FARS2: variants seen among roughly 807,000 people sequenced by gnomAD.
The protein encoded by FARS2 is phenylalanyl-tRNA synthetase 2, mitochondrial.
Under a neutral mutation model 46.4 loss-of-function variants are expected in FARS2, and 40 were observed. The ratio of observed to expected loss-of-function variants is 0.86; its 90% CI spans 0.67 to 1.12. FARS2 has a LOEUF of 1.12. Among genes scored for constraint, FARS2 ranks in the 50% most tolerant of loss-of-function variants. The pLI is 0.00. For synonymous variants in FARS2, 234 were observed against 214.9 expected (o/e 1.09, Z -0.78); for missense variants, 513 against 567.9 (o/e 0.90, Z 0.98).
chr6:5,342,286 T>G (rs1771710507), intron 1 of FARS2, among the ~76,000 whole-genome samples: 1 of 152,216 alleles, frequency 6.6e-6, no homozygotes, highest in Non-Finnish European at 1.5e-5. Flanking sequence ...AGCACAATAA[T>G]CAACAGTTGC....
intron 6 of FARS2, among the ~76,000 whole-genome samples, chr6:5,744,714 G>A (rs1167975483): frequency 6.6e-6 from 1 of 152,226 alleles, no homozygotes; most frequent in Non-Finnish European, 1.5e-5. Context: ...CAAGTGTTCA[G>A]TGGCTTCTGC....
intron 1 of FARS2, among the ~76,000 whole-genome samples, chr6:5,344,692 A>C (rs889845401): frequency 9.9e-5 from 15 of 152,176 alleles, no homozygotes; most frequent in African/African-American, 3.6e-4. Context: ...CAGTGGAAAA[A>C]AGTATGGCAA....
chr6:5,264,089 A>G (rs1233082552), intron 1 of FARS2, among the ~76,000 whole-genome samples: 2 of 152,096 alleles, frequency 1.3e-5, no homozygotes, highest in East Asian at 3.9e-4. Context: ...TACACAAAAA[A>G]TACAAAAATT....
At chr6:5,466,683 C>G (rs1765533720) in intron 4 of FARS2, 1 of 985,194 alleles carries the variant, frequency 1.0e-6, no homozygotes, top group Non-Finnish European at 1.2e-6. Context: ...ATTTTCAAAC[C>G]TGGGGAGCTG....
chr6:5,381,708 G>C (rs965863308), intron 2 of FARS2, among the ~76,000 whole-genome samples: 2 of 152,186 alleles, frequency 1.3e-5, no homozygotes, highest in African/African-American at 4.8e-5. Flanking sequence ...AGTAGCAACG[G>C]AAGTTAGGGT....
At chr6:5,631,372 A>C (rs189511568) in intron 6 of FARS2, among the ~76,000 whole-genome samples, 28 of 152,352 alleles carry the variant, frequency 1.8e-4, no homozygotes, top group African/African-American at 6.0e-4. Context: ...CAAGACAACT[A>C]GTCTGAATGG....
chr6:5,502,104 G>A (rs180717660), intron 4 of FARS2, among the ~76,000 whole-genome samples: 341 of 152,320 alleles, frequency 2.2e-3, no homozygotes, highest in Non-Finnish European at 2.7e-3. Flanking sequence ...GTCCAGCATG[G>A]TGTGGGAGTA....
intron 6 of FARS2, among the ~76,000 whole-genome samples, chr6:5,713,895 A>G (rs192349943): frequency 6.5e-4 from 99 of 152,350 alleles, no homozygotes; most frequent in South Asian, 6.2e-4. Flanking sequence ...TTCTCCAAAG[A>G]CATGAAATTT....
intron 1 of FARS2, among the ~76,000 whole-genome samples, chr6:5,305,575 A>G (rs1297422370): frequency 1.3e-5 from 2 of 152,208 alleles, no homozygotes; most frequent in African/African-American, 2.4e-5. Context: ...ACATTGAATG[A>G]GACCTCCTTG....
intron 1 of FARS2, among the ~76,000 whole-genome samples, chr6:5,283,082 C>CA (rs1247537833): frequency 3.9e-4 from 59 of 150,642 alleles, no homozygotes; most frequent in African/African-American, 6.6e-4. Context: ...ACTAAAAATT[C>CA]AAAAAAAATG....
At chr6:5,598,696 A>C (rs1774340240) in intron 5 of FARS2, among the ~76,000 whole-genome samples, 1 of 152,162 alleles carries the variant, frequency 6.6e-6, no homozygotes, top group African/African-American at 2.4e-5. Context: ...AGCACTATGG[A>C]GGTCAGGAAG....
chr6:5,262,242 T>C (rs1362256995), intron 1 of FARS2, among the ~76,000 whole-genome samples: 6 of 152,216 alleles, frequency 3.9e-5, no homozygotes, highest in Non-Finnish European at 8.8e-5. Flanking sequence ...ACCTGCTGTA[T>C]GTCTAAACAA....
chr6:5,335,377 T>C (rs1472708314), intron 1 of FARS2, among the ~76,000 whole-genome samples: 2 of 152,172 alleles, frequency 1.3e-5, no homozygotes, highest in Non-Finnish European at 2.9e-5. Flanking sequence ...GTACAGGCGC[T>C]TTATATTGAT....
chr6:5,333,787 T>C (rs1218462823), intron 1 of FARS2, among the ~76,000 whole-genome samples: 1 of 152,222 alleles, frequency 6.6e-6, no homozygotes, highest in Non-Finnish European at 1.5e-5. Flanking sequence ...TAATTTACCA[T>C]GTAATTCTCT....
At chr6:5,394,099 G>A (rs1379719305) in intron 2 of FARS2, among the ~76,000 whole-genome samples, 1 of 152,152 alleles carries the variant, frequency 6.6e-6, no homozygotes, top group Non-Finnish European at 1.5e-5. Flanking sequence ...TGTCAAAGAG[G>A]GGACTATTTA....
At chr6:5,655,697 C>T (rs904427012) in intron 6 of FARS2, among the ~76,000 whole-genome samples, 7 of 152,150 alleles carry the variant, frequency 4.6e-5, no homozygotes, top group Non-Finnish European at 7.3e-5. Context: ...CTCCCCATTT[C>T]GTGATTCTTA....
At position 5,405,078 on chromosome 6, in the gene FARS2, T is replaced by C. The variant is rs186213687; in HGVS notation, c.772+377T>C. ...TCCCAAAGTGTTGGGATTACAGGCA[T>C]GAGCCACCGCGCCAGGCCTGAAATT... On this transcript the variant is annotated intron_variant, in intron 3 of 6. Transcript: ENST00000274680. Among the ~76,000 whole-genome samples, 219 of 152,286 alleles carry C rather than the reference T, an allele frequency of 1.4e-3. 1 individual carries two copies. Among genetic ancestry groups the C allele is most frequent in the Middle Eastern group, 6.8e-3 (2 of 294 alleles).
intron 4 of FARS2, among the ~76,000 whole-genome samples, chr6:5,536,619 C>T (rs985704464): frequency 3.9e-5 from 6 of 152,192 alleles, no homozygotes; most frequent in African/African-American, 1.4e-4. Context: ...TATATTTCAT[C>T]TCTGAAAGAT....
At position 5,343,763 on chromosome 6, in the gene FARS2, T is replaced by C. The variant is rs1394660287; in HGVS notation, c.-21-24787T>C. On this transcript the variant is annotated intron_variant, in intron 1 of 6. Transcript: ENST00000274680. The surrounding 1 kb of genome is among the most constrained non-coding windows in gnomAD (Gnocchi z 4.5). Reference sequence around the variant, plus strand: ...TCCTGTGGGAGGGAGAGGACCTTTGTCTTGGTAGCTGTCTACTGTACTAAT... The same window carrying C: ...TCCTGTGGGAGGGAGAGGACCTTTGCCTTGGTAGCTGTCTACTGTACTAAT... Among the ~76,000 whole-genome samples the C allele has an allele frequency of 6.6e-6, 1 of 152,196 alleles. No individual in the cohort carries two copies. Among genetic ancestry groups the C allele is most frequent in the Non-Finnish European group, 1.5e-5 (1 of 68,044 alleles).
Sources: allele counts gnomAD v4.1 joint callset (sites outside exome capture counted in the v4.1 genomes callset), GRCh38; gene constraint gnomAD v4.1.1; non-coding constraint Gnocchi (gnomAD v3.1); transcripts MANE v1.5; gene names NCBI Gene and HGNC (gene_info 2026-07-23, HGNC 2026-07-21).